MAP4K4: variants seen among roughly 807,000 people sequenced by gnomAD.
MAP4K4 encodes mitogen-activated protein kinase kinase kinase kinase 4.
MAP4K4 carries 38 observed loss-of-function variants against 189.6 expected under a neutral mutation model. That is an observed-to-expected ratio of 0.20 (90% CI 0.15 to 0.26). The LOEUF is 0.26. Among genes scored for constraint, MAP4K4 ranks in the 10% least tolerant of loss-of-function variants. The probability of loss-of-function intolerance (pLI) is 1.00; values close to 1 mark genes in which losing one functional copy is unlikely to be tolerated. For synonymous variants in MAP4K4, 610 were observed against 624.3 expected, an observed-to-expected ratio of 0.98 and a Z score of 0.34; for missense variants, 1,054 against 1,726.9, an observed-to-expected ratio of 0.61 and a Z score of 6.91.
chr2:101,813,078 A>G (rs1164078255), intron 3 of MAP4K4, among the ~76,000 whole-genome samples: 8 of 152,168 alleles, frequency 5.3e-5, no homozygotes, highest in Non-Finnish European at 1.2e-4. Flanking sequence ...GCAGTGAGCC[A>G]AGATAGTGCC....
At chr2:101,825,295 C>T (rs774847437) in intron 4 of MAP4K4, 24 bp from the exon 5 acceptor site, 18 of 1,481,008 alleles carry the variant, frequency 1.2e-5, no homozygotes, top group African/African-American at 1.4e-5. Context: ...ATGTTGCTCA[C>T]CTTGTGTCTT....
intron 2 of MAP4K4, among the ~76,000 whole-genome samples, chr2:101,703,753 C>T (rs1368350127): frequency 4.6e-5 from 7 of 151,758 alleles, no homozygotes; most frequent in African/African-American, 1.7e-4. Flanking sequence ...GTGGCTCACA[C>T]CTGTAATCCC....
intron 14 of MAP4K4, 132 bp from the exon 15 acceptor site, chr2:101,859,511 C>A: frequency 1.5e-6 from 1 of 672,046 alleles, no homozygotes; most frequent in South Asian, 2.0e-5. Flanking sequence ...TTTAAAATCC[C>A]AGCCATTTTG....
rs73943801 is a variant in MAP4K4 at position 101,855,763 on chromosome 2, G to T, written c.1234-214G>T. On this transcript the variant is annotated intron_variant, in intron 12 of 32. Transcript: ENST00000324219. ...TCAAAATGAAACTAAACCCTATAAG[G>T]ATTCACAGAGTCACAATACTTTTGA... is the stretch of plus-strand genomic sequence containing the variant. Among the ~76,000 whole-genome samples the T allele has an allele frequency of 0.014, 2,171 of 152,232 alleles. 49 individuals are homozygous for T. The highest frequency in any genetic ancestry group is 0.049 in the African/African-American group (2,035 of 41,508).
intron 2 of MAP4K4, among the ~76,000 whole-genome samples, chr2:101,724,077 A>G (rs1490279007): frequency 1.3e-5 from 2 of 152,228 alleles, no homozygotes; most frequent in East Asian, 1.9e-4. Flanking sequence ...CTTTAGTTCT[A>G]TGTTTGACAT....
chr2:101,770,876 C>T (rs899520939), intron 2 of MAP4K4, among the ~76,000 whole-genome samples: 3 of 152,046 alleles, frequency 2.0e-5, no homozygotes, highest in African/African-American at 7.2e-5. Flanking sequence ...AAATTGTGAC[C>T]AGAATCTAGA....
chr2:101,863,358 T>TGCAGA lies in MAP4K4; in HGVS notation c.1867-462_1867-461insCAGAG, dbSNP rs370806284. 2.0e-5 allele frequency among the ~76,000 whole-genome samples: 3 copies of TGCAGA among 152,322 alleles called. No individual in the cohort carries two copies. The East Asian group carries it at 5.8e-4, about 29-fold the overall frequency. ...GAACGTGCCATTTTGTTACTCGCTC[T>TGCAGA]GGTGTAAAATGTGACACTGCAGGTA... On this transcript the variant is annotated intron_variant, in intron 16 of 32. Transcript: ENST00000324219.
intron 2 of MAP4K4, among the ~76,000 whole-genome samples, chr2:101,788,469 G>A (rs1034451248): frequency 7.9e-5 from 12 of 152,344 alleles, no homozygotes; most frequent in African/African-American, 2.6e-4. Flanking sequence ...GACAAGGAAA[G>A]AGAGCTCAAA....
At position 101,770,240 on chromosome 2, in the gene MAP4K4, ATTTTTTTTTTT is replaced by A. The variant is rs34574782; in HGVS notation, c.124-20465_124-20455del. 6.6e-5 allele frequency among the ~76,000 whole-genome samples: 5 copies of A among 75,190 alleles called. No homozygotes were observed. In the East Asian group the frequency reaches 1.3e-3, roughly 20 times the overall value. 49.3% of individuals were successfully genotyped at this position (75,190 alleles called of 152,430 possible). Reference sequence around the variant, plus strand: ...AAAAGTTACACTTTTGTTCATTCTGATTTTTTTTTTTTTTTTTTTTTTTTTGAGACGGAGTT... The same window carrying A: ...AAAAGTTACACTTTTGTTCATTCTGATTTTTTTTTTTTTTGAGACGGAGTT... On this transcript the variant is annotated intron_variant, in intron 2 of 32. Transcript: ENST00000324219.
intron 5 of MAP4K4, among the ~76,000 whole-genome samples, chr2:101,826,127 A>G: frequency 6.6e-6 from 1 of 152,154 alleles, no homozygotes; most frequent in East Asian, 1.9e-4. Context: ...TTACACACAG[A>G]CATTACTTGG....
chr2:101,885,343 A>G, intron 29 of MAP4K4, 56 bp downstream of exon 29: 1 of 1,017,246 alleles, frequency 9.8e-7, no homozygotes, highest in Non-Finnish European at 1.5e-6. Flanking sequence ...TGCAACCAAG[A>G]GTCAGGGAAT....
intron 2 of MAP4K4, among the ~76,000 whole-genome samples, chr2:101,701,441 A>G (rs1268827531): frequency 1.3e-5 from 2 of 151,962 alleles, no homozygotes; most frequent in Non-Finnish European, 2.9e-5. Context: ...TTTCAAGGAG[A>G]TGTTATTTGG....
At chr2:101,841,488 C>CA (rs944695471) in intron 10 of MAP4K4, among the ~76,000 whole-genome samples, 49 of 150,140 alleles carry the variant, frequency 3.3e-4, no homozygotes, top group Admixed American at 2.9e-3. Context: ...TTTTTGGAGA[C>CA]AGAGTCTTGC....
chr2:101,816,346 T>A (rs1437810456), intron 3 of MAP4K4, among the ~76,000 whole-genome samples: 1 of 152,208 alleles, frequency 6.6e-6, no homozygotes, highest in Non-Finnish European at 1.5e-5. Flanking sequence ...CTCTGGTGCC[T>A]GTGAGTGCAT....
chr2:101,825,421 A>G, exon 5 of MAP4K4: 3 of 1,612,072 alleles, frequency 1.9e-6, no homozygotes, highest in Non-Finnish European at 2.5e-6. Flanking sequence ...CTCCAGAGAA[A>G]TCCTGAGGGT....
chr2:101,727,664 T>G (rs1057039430), intron 2 of MAP4K4, among the ~76,000 whole-genome samples: 4 of 152,116 alleles, frequency 2.6e-5, no homozygotes, highest in African/African-American at 9.7e-5. Context: ...TTAAAAACTG[T>G]GAAACAGAAA....
intron 7 of MAP4K4, among the ~76,000 whole-genome samples, chr2:101,833,513 A>G (rs1210361523): frequency 2.0e-5 from 3 of 151,698 alleles, no homozygotes; most frequent in Non-Finnish European, 4.4e-5. Flanking sequence ...CCAGCTACTC[A>G]GGAGGCTGAG....
intron 2 of MAP4K4, among the ~76,000 whole-genome samples, chr2:101,705,409 C>G (rs1339471261): frequency 7.1e-6 from 1 of 140,446 alleles, no homozygotes; most frequent in Admixed American, 7.2e-5. Flanking sequence ...CACTTGTGTT[C>G]AGACACAATG....
intron 2 of MAP4K4, among the ~76,000 whole-genome samples, chr2:101,777,009 A>G (rs1389266876): frequency 6.6e-6 from 1 of 152,214 alleles, no homozygotes; most frequent in East Asian, 1.9e-4. Flanking sequence ...TTAGAAAGTC[A>G]TAGCCAGGCT....
Sources: gnomAD v4.1 joint callset for allele counts (sites outside exome capture counted in the v4.1 genomes callset) on GRCh38, gnomAD v4.1.1 for gene constraint, MANE v1.5 for transcripts, NCBI Gene and HGNC (gene_info 2026-07-23, HGNC 2026-07-21) for gene names.